HMGXB4: variants seen among roughly 807,000 people sequenced by gnomAD.
HMGXB4 encodes HMG domain-containing protein 4.
Under a neutral mutation model 63.9 loss-of-function variants are expected in HMGXB4, and 27 were observed. The ratio of observed to expected loss-of-function variants is 0.42; its 90% CI spans 0.31 to 0.58. The LOEUF (loss-of-function observed/expected upper bound fraction) is 0.58. Ranked by LOEUF, HMGXB4 falls within the 20% of genes least tolerant of loss-of-function variation. The probability of loss-of-function intolerance (pLI) is 0.13; values close to 1 mark genes in which losing one functional copy is unlikely to be tolerated. For missense variants in HMGXB4, 624 were observed against 700.7 expected (o/e 0.89, Z 1.24); for synonymous variants, 264 against 265.3 (o/e 0.99, Z 0.05).
At chr22:35,253,935 T>TC (rs1211332979), upstream of HMGXB4, among the ~76,000 whole-genome samples, 1 of 152,218 alleles carries the variant, frequency 6.6e-6, no homozygotes, top group East Asian at 1.9e-4. Flanking sequence ...CTGTGGTATG[T>TC]CCCTCTGCCT....
chr22:35,261,108 G>A (rs1455163286), intron 1 of HMGXB4, among the ~76,000 whole-genome samples: 2 of 152,164 alleles, frequency 1.3e-5, no homozygotes, highest in African/African-American at 2.4e-5. Flanking sequence ...AATTCCTGAA[G>A]GACTTATGAA....
At chr22:35,245,022 G>A in the HMGXB4 span, among the ~76,000 whole-genome samples, 7 of 152,070 alleles carry the variant, frequency 4.6e-5, no homozygotes, top group African/African-American at 1.7e-4. Flanking sequence ...ACAGGTGCCC[G>A]CCACCACGCC....
intron 5 of HMGXB4, among the ~76,000 whole-genome samples, chr22:35,282,236 G>A (rs990880321): frequency 6.6e-6 from 1 of 152,314 alleles, no homozygotes; most frequent in East Asian, 1.9e-4. Flanking sequence ...GAGTGCAGTG[G>A]TGCAATCTCG....
rs1923145558 is a variant in HMGXB4 at position 35,265,274 on chromosome 22, T to C, written c.886T>C (p.Ser296Pro). The change falls in exon 5 of 11, where the codon TCA becomes CCA. Residue 296 changes from serine (S) to proline (P), a missense_variant. Physicochemically the swap from Ser to Pro is moderately conservative, Grantham distance 74. Around this residue, in one of 2 missense-constraint regions of HMGXB4, gnomAD observed 472 missense variants for 470.6 expected, o/e 1.00. Transcript: ENST00000216106. ...GLEPILVESD[S>P]SSGGELEAGE... The stretch of plus-strand genomic sequence containing the variant: ...TGAACCTATTCTGGTAGAATCAGAC[T>C]CATCCTCTGGTGGGGAACTAGAGGC... 2 of 1,613,972 alleles carry C rather than the reference T, an allele frequency of 1.2e-6. No individual in the cohort carries two copies. The highest frequency in any genetic ancestry group is 1.7e-6 in the Non-Finnish European group (2 of 1,179,980).
chr22:35,268,354 T>C (rs577824327), intron 5 of HMGXB4, among the ~76,000 whole-genome samples: 2 of 152,350 alleles, frequency 1.3e-5, no homozygotes, highest in East Asian at 3.9e-4. Context: ...TTAAGCTTGA[T>C]AGTCTTCCTC....
the HMGXB4 span, among the ~76,000 whole-genome samples, chr22:35,248,401 C>CTTT: frequency 0.026 from 2,633 of 102,836 alleles, 39 homozygotes; most frequent in East Asian, 0.053. Context: ...GAGGTCGGGA[C>CTTT]TTTTTTTTTT....
chr22:35,246,309 C>T, the HMGXB4 span, among the ~76,000 whole-genome samples: 2 of 151,970 alleles, frequency 1.3e-5, no homozygotes, highest in Non-Finnish European at 2.9e-5. Context: ...GAGTCTCGCT[C>T]TGTCGCCCAG....
intron 4 of HMGXB4, 39 bp downstream of exon 4, chr22:35,263,913 C>T (rs768926181): frequency 5.0e-6 from 8 of 1,600,034 alleles, no homozygotes; most frequent in South Asian, 4.4e-5. Flanking sequence ...ATAAACACAT[C>T]GCTGGTTCTT....
chr22:35,262,699 C>T, intron 2 of HMGXB4: 1 of 532,608 alleles, frequency 1.9e-6, no homozygotes. Context: ...CTCCAGTGTG[C>T]AGGAGTCTGG....
chr22:35,279,471 C>G (rs1183883539), intron 5 of HMGXB4, among the ~76,000 whole-genome samples: 4 of 151,994 alleles, frequency 2.6e-5, no homozygotes, highest in African/African-American at 4.8e-5. Flanking sequence ...TTTTGCAGAG[C>G]AGTTTTTAAT....
chr22:35,269,011 T>A (rs1923438433), intron 5 of HMGXB4, among the ~76,000 whole-genome samples: 1 of 152,228 alleles, frequency 6.6e-6, no homozygotes, highest in Non-Finnish European at 1.5e-5. Context: ...ATTTTCTTCC[T>A]TATATTGGCA....
At chr22:35,262,109 C>T in intron 1 of HMGXB4, 1 of 376,474 alleles carries the variant, frequency 2.7e-6, no homozygotes, top group Non-Finnish European at 4.8e-6. Context: ...CAAATGACAA[C>T]TTTAATTCAT....
At position 35,283,982 on chromosome 22, in the gene HMGXB4, G is replaced by A. The variant is rs907863141; in HGVS notation, c.1236G>A (p.Ser412=). The A allele has an allele frequency of 7.4e-6, 12 of 1,613,766 alleles. No homozygotes were observed. Among genetic ancestry groups the A allele is most frequent in the African/African-American group, 4.0e-5 (3 of 74,910 alleles). ...RGEKPKKKNM[S]AYQVFCKEYR... The stretch of plus-strand genomic sequence containing the variant: ...ATTAGCCAAAAAAGAAGAACATGTC[G>A]GCCTACCAGGTGTTCTGTAAAGAGT... Residue 412 remains serine (S), a synonymous_variant, in exon 6 of 11, where the codon TCG becomes TCA. Coordinates refer to ENST00000216106, the MANE Select transcript of HMGXB4 (RefSeq NM_001003681.3).
At chr22:35,274,617 C>T (rs189660224) in intron 5 of HMGXB4, among the ~76,000 whole-genome samples, 108 of 152,302 alleles carry the variant, frequency 7.1e-4, no homozygotes, top group African/African-American at 2.5e-3. Context: ...TAGCATGCCC[C>T]GGGACATACC....
chr22:35,271,164 G>A (rs1442289461), intron 5 of HMGXB4, among the ~76,000 whole-genome samples: 1 of 151,902 alleles, frequency 6.6e-6, no homozygotes, highest in Non-Finnish European at 1.5e-5. Flanking sequence ...AGGAGGGTGA[G>A]GCAGGAGTAT....
chr22:35,291,913 A>AT (rs1830548443), intron 9 of HMGXB4, among the ~76,000 whole-genome samples: 2 of 152,094 alleles, frequency 1.3e-5, no homozygotes, highest in South Asian at 4.2e-4. Flanking sequence ...TAGGGGGGAG[A>AT]TGTTGACAAG....
At chr22:35,290,728 A>T (rs1445312380) in intron 9 of HMGXB4, among the ~76,000 whole-genome samples, 1 of 151,778 alleles carries the variant, frequency 6.6e-6, no homozygotes, top group Admixed American at 6.6e-5. Flanking sequence ...AATCATTTGC[A>T]TAGATCTCTG....
At chr22:35,274,542 A>G (rs1337437204) in intron 5 of HMGXB4, among the ~76,000 whole-genome samples, 1 of 152,202 alleles carries the variant, frequency 6.6e-6, no homozygotes, top group Non-Finnish European at 1.5e-5. Context: ...GAATTTTCAC[A>G]AGAACCCAAT....
At chr22:35,251,595 G>T in the HMGXB4 span, among the ~76,000 whole-genome samples, 4 of 152,174 alleles carry the variant, frequency 2.6e-5, no homozygotes, top group African/African-American at 9.7e-5. Flanking sequence ...ATGCAATATG[G>T]GAAATGCAGT....
Sources: allele counts gnomAD v4.1 joint callset (sites outside exome capture counted in the v4.1 genomes callset), GRCh38; gene constraint gnomAD v4.1.1; regional missense constraint gnomAD v4.1.1; transcripts MANE v1.5; gene names NCBI Gene and HGNC (gene_info 2026-07-23, HGNC 2026-07-21).